SORCS1: variants seen among roughly 807,000 people sequenced by gnomAD.
SORCS1 encodes the protein sortilin related VPS10 domain containing receptor 1, also known as VPS10 domain-containing receptor SorCS1.
In SORCS1, 60 loss-of-function variants were observed where a neutral mutation model predicts 146.1. The observed-to-expected ratio is 0.41, with a 90% CI of 0.33 to 0.51. The LOEUF is 0.51. Among genes scored for constraint, SORCS1 ranks in the 20% least tolerant of loss-of-function variants. The pLI is 0.21. For missense variants in SORCS1, 1,352 were observed against 1,487.6 expected, an observed-to-expected ratio of 0.91 and a Z score of 1.50; for synonymous variants, 637 against 584.0, an observed-to-expected ratio of 1.09 and a Z score of -1.31.
intron 1 of SORCS1, among the ~76,000 whole-genome samples, chr10:107,101,924 A>G (rs1964951806): frequency 6.6e-6 from 1 of 152,158 alleles, no homozygotes; most frequent in Non-Finnish European, 1.5e-5. Flanking sequence ...CATGTAACCT[A>G]CATGGCCCAT....
intron 1 of SORCS1, among the ~76,000 whole-genome samples, chr10:107,149,303 C>T (rs1968577424): frequency 6.6e-6 from 1 of 152,200 alleles, no homozygotes; most frequent in South Asian, 2.1e-4. Flanking sequence ...CATACACTGT[C>T]TCCAGTTGGC....
Position 106,966,733 on chromosome 10 carries a change from A to G in SORCS1, c.559-10153T>C, listed in dbSNP as rs75985871. Among the ~76,000 whole-genome samples the G allele has an allele frequency of 5.6e-3, 854 of 152,290 alleles. 5 individuals are homozygous for G. Among genetic ancestry groups the G allele is most frequent in the Admixed American group, 8.4e-3 (128 of 15,284 alleles). ...CCTGACTCTGTTTCTCCACAGAGCC[A>G]GAGGTCATTTGTAGCTAAGACATAA... On this transcript the variant is annotated intron_variant, in intron 1 of 25. Coordinates refer to ENST00000263054, the MANE Select transcript of SORCS1 (RefSeq NM_052918.5).
chr10:106,651,430 A>T (rs954236695), intron 18 of SORCS1, among the ~76,000 whole-genome samples: 28 of 152,118 alleles, frequency 1.8e-4, no homozygotes, highest in African/African-American at 6.3e-4. Context: ...ACTCCAACCT[A>T]CTGAATCAGA....
intron 17 of SORCS1, among the ~76,000 whole-genome samples, chr10:106,661,512 T>C (rs966079365): frequency 1.3e-5 from 2 of 152,216 alleles, no homozygotes; most frequent in African/African-American, 4.8e-5. Flanking sequence ...GGATTCATAA[T>C]AAAAGTAAGT....
At chr10:106,757,859 C>A (rs1329521093) in intron 5 of SORCS1, among the ~76,000 whole-genome samples, 1 of 152,182 alleles carries the variant, frequency 6.6e-6, no homozygotes, top group Non-Finnish European at 1.5e-5. Context: ...GGCTCTGGCA[C>A]TTTCCAGCTG....
At chr10:106,602,416 T>C (rs2133350783) in intron 23 of SORCS1, among the ~76,000 whole-genome samples, 1 of 152,196 alleles carries the variant, frequency 6.6e-6, no homozygotes, top group Non-Finnish European at 1.5e-5. Flanking sequence ...GAGGAAGATC[T>C]TTCCCAATTC....
intron 2 of SORCS1, among the ~76,000 whole-genome samples, chr10:106,856,321 C>T (rs1036342899): frequency 6.6e-6 from 1 of 152,188 alleles, no homozygotes; most frequent in African/African-American, 2.4e-5. Flanking sequence ...TGAGCCACCC[C>T]GCCCAGCCAG....
At chr10:106,789,375 A>C (rs1432168388) in intron 3 of SORCS1, among the ~76,000 whole-genome samples, 1 of 152,092 alleles carries the variant, frequency 6.6e-6, no homozygotes, top group Non-Finnish European at 1.5e-5. Flanking sequence ...TTTCTTTTCT[A>C]CTGCATTGTC....
At chr10:106,895,026 T>TGA (rs1951412812) in intron 2 of SORCS1, among the ~76,000 whole-genome samples, 1 of 152,252 alleles carries the variant, frequency 6.6e-6, no homozygotes, top group African/African-American at 2.4e-5. Context: ...GGAGAATTCC[T>TGA]GATGAAGAAA....
At chr10:106,808,154 G>C (rs1345649692) in intron 3 of SORCS1, among the ~76,000 whole-genome samples, 2 of 152,180 alleles carry the variant, frequency 1.3e-5, no homozygotes, top group Non-Finnish European at 2.9e-5. Flanking sequence ...CGAGTAGCTG[G>C]GATTAAGGCA....
At chr10:107,177,152 CTTT>C in the SORCS1 span, among the ~76,000 whole-genome samples, 5 of 152,018 alleles carry the variant, frequency 3.3e-5, no homozygotes, top group Admixed American at 3.3e-4. Context: ...ATAGTTTTGC[CTTT>C]TTTTAACTTG....
chr10:107,066,115 T>G (rs1336108766), intron 1 of SORCS1, among the ~76,000 whole-genome samples: 1 of 152,186 alleles, frequency 6.6e-6, no homozygotes, highest in East Asian at 1.9e-4. Context: ...TTTTATGACT[T>G]TTTTTCAAGT....
At chr10:106,909,756 G>T (rs1390792175) in intron 2 of SORCS1, among the ~76,000 whole-genome samples, 1 of 152,138 alleles carries the variant, frequency 6.6e-6, no homozygotes, top group Non-Finnish European at 1.5e-5. Flanking sequence ...ATCACCTCCA[G>T]TGGACCTCCA....
intron 3 of SORCS1, among the ~76,000 whole-genome samples, chr10:106,792,580 T>C (rs1403496640): frequency 6.6e-6 from 1 of 152,258 alleles, no homozygotes; most frequent in East Asian, 1.9e-4. Context: ...GGCATTTCCA[T>C]GGCTCACACC....
At chr10:107,003,387 AT>A (rs1200916968) in intron 1 of SORCS1, among the ~76,000 whole-genome samples, 1 of 151,646 alleles carries the variant, frequency 6.6e-6, no homozygotes, top group Non-Finnish European at 1.5e-5. Context: ...TAGCCAAAGT[AT>A]GCATGTGTTG....
intron 2 of SORCS1, among the ~76,000 whole-genome samples, chr10:106,950,609 G>A (rs1489939268): frequency 6.6e-6 from 1 of 151,728 alleles, no homozygotes; most frequent in Non-Finnish European, 1.5e-5. Context: ...GTCTGTGTGT[G>A]TATATATATA....
Position 106,618,197 on chromosome 10 carries a change from A to C in SORCS1, c.2872T>G (p.Ser958Ala). Residue 958 changes from serine to alanine, a missense_variant, in exon 21 of 26, where the codon TCA (serine) becomes GCA (alanine). Coordinates refer to ENST00000263054, the MANE Select transcript of SORCS1 (RefSeq NM_052918.5). ...EGMNTITVQV[S>A]AGNAILQDTK... ...TCTTGTAGGATGGCATTCCCAGCTG[A>C]GACCTGCACTGTGATGGTATTCATT... 1.2e-6 allele frequency: 2 copies of C among 1,614,136 alleles called. No individual in the cohort carries two copies. The highest frequency in any genetic ancestry group is 1.7e-6 in the Non-Finnish European group (2 of 1,179,994).
At position 106,855,504 on chromosome 10, in the gene SORCS1, T is replaced by C. The variant is rs149748448; in HGVS notation, c.627-25831A>G. Among the ~76,000 whole-genome samples the C allele has an allele frequency of 1.7e-3, 256 of 152,296 alleles. 2 individuals are homozygous for C. The highest frequency in any genetic ancestry group is 5.8e-3 in the African/African-American group (240 of 41,562). On this transcript the variant is annotated intron_variant, in intron 2 of 25. Coordinates refer to ENST00000263054, the MANE Select transcript of SORCS1 (RefSeq NM_052918.5). ...TGTTTCTTTCTCTTTCTTTCCCTTC[T>C]GTTATTCCCACTATACATATATTAC... is the stretch of plus-strand genomic sequence containing the variant.
chr10:106,767,408 A>G (rs1486357524), intron 4 of SORCS1, among the ~76,000 whole-genome samples: 1 of 152,172 alleles, frequency 6.6e-6, no homozygotes, highest in Non-Finnish European at 1.5e-5. Flanking sequence ...TGATTTGTGA[A>G]CACCTCCTGT....
Sources: allele counts gnomAD v4.1 joint callset (sites outside exome capture counted in the v4.1 genomes callset), GRCh38; gene constraint gnomAD v4.1.1; transcripts MANE v1.5; gene names NCBI Gene and HGNC (gene_info 2026-07-23, HGNC 2026-07-21).